MIPOL1: variants seen among roughly 807,000 people sequenced by gnomAD.
MIPOL1 encodes the protein mirror-image polydactyly 1.
A neutral mutation model predicts 60.9 loss-of-function variants in MIPOL1; 57 were observed. That is an observed-to-expected ratio of 0.94 (90% confidence interval 0.76 to 1.17). The LOEUF (loss-of-function observed/expected upper bound fraction) is 1.17. Ranked by LOEUF, MIPOL1 falls within the 50% of genes most tolerant of loss-of-function variation. The pLI, the probability that MIPOL1 is intolerant of heterozygous loss-of-function variation, is 0.00. For missense variants in MIPOL1, 551 were observed against 511.6 expected, an observed-to-expected ratio of 1.08 and a Z score of -0.74; for synonymous variants, 179 against 168.8, an observed-to-expected ratio of 1.06 and a Z score of -0.47.
intron 12 of MIPOL1, among the ~76,000 whole-genome samples, chr14:37,536,189 C>T (rs556092458): frequency 1.3e-5 from 2 of 152,244 alleles, no homozygotes; most frequent in African/African-American, 4.8e-5. Flanking sequence ...GAGGCTTTAA[C>T]GCTAAATATT....
intron 6 of MIPOL1, among the ~76,000 whole-genome samples, chr14:37,285,048 GAGAGTTTT>G (rs905683244): frequency 5.9e-5 from 9 of 152,158 alleles, no homozygotes; most frequent in African/African-American, 1.9e-4. Context: ...CAATATGTGT[GAGAGTTTT>G]CTTTATTTCA....
chr14:37,393,721 T>G (rs2093306611), intron 10 of MIPOL1, among the ~76,000 whole-genome samples: 1 of 151,704 alleles, frequency 6.6e-6, no homozygotes, highest in Admixed American at 6.6e-5. Flanking sequence ...TTCCATAGGT[T>G]TTTGGGGTAC....
At chr14:37,525,021 G>C (rs1008100938) in intron 12 of MIPOL1, among the ~76,000 whole-genome samples, 9 of 152,112 alleles carry the variant, frequency 5.9e-5, no homozygotes, top group African/African-American at 1.7e-4. Flanking sequence ...AGAATAAAAG[G>C]GGTCCTTAAA....
chr14:37,374,921 A>C (rs947012571), intron 10 of MIPOL1, among the ~76,000 whole-genome samples: 1 of 152,164 alleles, frequency 6.6e-6, no homozygotes, highest in Non-Finnish European at 1.5e-5. Context: ...TTTGTGAAGA[A>C]AGTTCATGTT....
Position 37,328,285 on chromosome 14 carries a change from G to C in MIPOL1, c.828+19766G>C, listed in dbSNP as rs553267041. On this transcript the variant is annotated intron_variant, in intron 9 of 12. Coordinates refer to ENST00000684589, the MANE Select transcript of MIPOL1 (RefSeq NM_001388067.1). ...CCGCCTCAGCCTCTCAAAGTGCTGGGATTACAGGCATAAGCCACCACACCC... is the reference window on the plus strand; with the variant it reads ...CCGCCTCAGCCTCTCAAAGTGCTGGCATTACAGGCATAAGCCACCACACCC... Among the ~76,000 whole-genome samples, 10 of 152,222 alleles carry C rather than the reference G, an allele frequency of 6.6e-5. No homozygotes were observed. In the South Asian group the frequency reaches 1.9e-3, roughly 28 times the overall value.
intron 1 of MIPOL1, among the ~76,000 whole-genome samples, chr14:37,230,063 T>C (rs2153309775): frequency 1.3e-5 from 2 of 152,308 alleles, no homozygotes; most frequent in South Asian, 4.1e-4. Context: ...AGAGAGTAGA[T>C]TTTGTGTTTT....
intron 12 of MIPOL1, chr14:37,502,750 C>T (rs1246708586): frequency 6.6e-6 from 1 of 152,112 alleles, no homozygotes; most frequent in African/African-American, 2.4e-5. Flanking sequence ...AGCAATGGAA[C>T]AAAGCTAGAT....
chr14:37,544,385 TC>T (rs1445532740), intron 12 of MIPOL1, among the ~76,000 whole-genome samples: 1 of 152,208 alleles, frequency 6.6e-6, no homozygotes, highest in Non-Finnish European at 1.5e-5. Context: ...ACTTGTCTGT[TC>T]TTCAGTTTCT....
chr14:37,272,752 G>C (rs1032592657), intron 6 of MIPOL1, among the ~76,000 whole-genome samples: 1 of 151,498 alleles, frequency 6.6e-6, no homozygotes, highest in African/African-American at 2.4e-5. Flanking sequence ...GAAATAAAAA[G>C]TGTATTTGGC....
rs181814862 is a variant in MIPOL1, at chr14:37,333,694, T to C, written c.828+25175T>C. 2.6e-5 allele frequency among the ~76,000 whole-genome samples: 4 copies of C among 152,196 alleles called. No individual in the cohort carries two copies. The East Asian group carries it at 7.7e-4, about 29-fold the overall frequency. On this transcript the variant is annotated intron_variant, in intron 9 of 12. Coordinates refer to ENST00000684589, the MANE Select transcript of MIPOL1 (RefSeq NM_001388067.1). ...GAAATACATAACAATTCTAAGTGAA[T>C]ATATAAATAATAGCAGATCATCAAA...
At chr14:37,435,511 A>G (rs1177211232) in intron 11 of MIPOL1, among the ~76,000 whole-genome samples, 1 of 151,780 alleles carries the variant, frequency 6.6e-6, no homozygotes, top group Non-Finnish European at 1.5e-5. Context: ...ATTGTCCTTT[A>G]GGATTTTTTT....
At chr14:37,244,831 A>G (rs1304326317) in intron 1 of MIPOL1, among the ~76,000 whole-genome samples, 1 of 152,154 alleles carries the variant, frequency 6.6e-6, no homozygotes, top group Non-Finnish European at 1.5e-5. Context: ...GTATTTTATT[A>G]GTCTTAATCC....
At position 37,248,120 on chromosome 14, in the gene MIPOL1, A is replaced by G. The variant is rs138750106; in HGVS notation, c.19+213A>G. On this transcript the variant is annotated intron_variant, in intron 3 of 12. Transcript: ENST00000684589. ...GAGACATACACACAGAGAGAAAGGGACACACACATGCACACAGAGGAGACA... is the reference window on the plus strand; with the variant it reads ...GAGACATACACACAGAGAGAAAGGGGCACACACATGCACACAGAGGAGACA... Among the ~76,000 whole-genome samples, 525 of 152,106 alleles carry G rather than the reference A, an allele frequency of 3.5e-3. 4 individuals carry two copies. The highest frequency in any genetic ancestry group is 0.012 in the African/African-American group (515 of 41,496).
intron 10 of MIPOL1, among the ~76,000 whole-genome samples, chr14:37,418,718 A>G (rs909482713): frequency 6.6e-6 from 1 of 152,092 alleles, no homozygotes; most frequent in African/African-American, 2.4e-5. Flanking sequence ...AATAGGGATA[A>G]TAGGAACTAC....
chr14:37,246,833 C>T (rs148850480), intron 1 of MIPOL1, among the ~76,000 whole-genome samples: 97 of 152,044 alleles, frequency 6.4e-4, no homozygotes, highest in African/African-American at 2.2e-3. Context: ...CATTCATTAG[C>T]TGGGTAAATG....
intron 10 of MIPOL1, chr14:37,400,963 T>TTA (rs2093470645): frequency 6.6e-6 from 1 of 152,130 alleles, no homozygotes; most frequent in African/African-American, 2.4e-5. Flanking sequence ...TAAGTCTTTT[T>TTA]TATTTAAAGG....
chr14:37,496,915 C>T (rs2095139694), intron 11 of MIPOL1, among the ~76,000 whole-genome samples: 2 of 151,276 alleles, frequency 1.3e-5, no homozygotes, highest in African/African-American at 2.4e-5. Context: ...TACAAGGCTA[C>T]AGTAACCAAA....
At chr14:37,353,908 C>G (rs576438968) in intron 9 of MIPOL1, among the ~76,000 whole-genome samples, 8 of 152,150 alleles carry the variant, frequency 5.3e-5, no homozygotes, top group South Asian at 2.1e-4. Flanking sequence ...CTATTTCCTT[C>G]AGTTCTGCTC....
chr14:37,230,769 C>T (rs1450772553), intron 1 of MIPOL1, among the ~76,000 whole-genome samples: 6 of 152,066 alleles, frequency 3.9e-5, no homozygotes, highest in Admixed American at 3.3e-4. Flanking sequence ...CAAAGTGAGT[C>T]TATTTCTCCA....
Sources: allele counts gnomAD v4.1 joint callset (sites outside exome capture counted in the v4.1 genomes callset), GRCh38; gene constraint gnomAD v4.1.1; transcripts MANE v1.5; gene names NCBI Gene and HGNC (gene_info 2026-07-23, HGNC 2026-07-21).